Variants in QRFPR observed in about 807,000 individuals in gnomAD.
QRFPR encodes the protein pyroglutamylated RF-amide peptide receptor.
QRFPR carries 37 observed loss-of-function variants against 31.3 expected under a neutral mutation model. That is an observed-to-expected ratio of 1.18 (90% confidence interval 0.91 to 1.56). The LOEUF is 1.56. QRFPR is among the 40% of genes most tolerant of loss of function. QRFPR has a pLI of 0.00. For synonymous variants in QRFPR, 197 were observed against 192.0 expected, an observed-to-expected ratio of 1.03 and a Z score of -0.22; for missense variants, 542 against 532.5, an observed-to-expected ratio of 1.02 and a Z score of -0.18.
In QRFPR at chr4:121,365,648, T is replaced by TATAA. The variant is rs1560744277; in HGVS notation, c.340+14659_340+14660insTTAT. On this transcript the variant is annotated intron_variant, in intron 1 of 5. Coordinates refer to ENST00000394427, the MANE Select transcript of QRFPR (RefSeq NM_198179.3). ...ATATATTATATATATATTTTATATATTATATATTATATATATTTTATATAT... is the reference window on the plus strand; with the variant it reads ...ATATATTATATATATATTTTATATATATAATATATATTATATATATTTTATATAT... Among the ~76,000 whole-genome samples, 75 of 22,478 alleles carry TATAA rather than the reference T, an allele frequency of 3.3e-3. 3 individuals are homozygous for TATAA. Among genetic ancestry groups the TATAA allele is most frequent in the African/African-American group, 0.017 (74 of 4,398 alleles). The allele number at this position is 22,478 out of a possible 152,430, so 14.7% of individuals were successfully genotyped here. A position where few individuals can be genotyped will look rare whatever the true frequency, so the allele number is the denominator to read the frequency against.
intron 1 of QRFPR, among the ~76,000 whole-genome samples, chr4:121,342,586 T>G (rs536286740): frequency 6.6e-6 from 1 of 152,290 alleles, no homozygotes; most frequent in African/African-American, 2.4e-5. Context: ...CTTTCACATG[T>G]TAACATACTG....
intron 1 of QRFPR, among the ~76,000 whole-genome samples, chr4:121,356,564 C>T (rs114134242): frequency 3.3e-5 from 5 of 152,238 alleles, no homozygotes; most frequent in African/African-American, 9.6e-5. Flanking sequence ...GGGCTTTCCA[C>T]GTATTCAAAA....
intron 3 of QRFPR, among the ~76,000 whole-genome samples, chr4:121,335,101 T>C (rs1337553544): frequency 2.0e-5 from 3 of 152,214 alleles, no homozygotes; most frequent in Non-Finnish European, 4.4e-5. Flanking sequence ...CTCATCTATT[T>C]GACAGTGAGG....
At chr4:121,366,222 A>G (rs1726132460) in intron 1 of QRFPR, among the ~76,000 whole-genome samples, 1 of 149,858 alleles carries the variant, frequency 6.7e-6, no homozygotes. Context: ...AAAGCCTGGC[A>G]CCAGTATTTC....
chr4:121,363,040 G>A (rs34198662), intron 1 of QRFPR, among the ~76,000 whole-genome samples: 41,011 of 149,694 alleles, frequency 0.27, 7,818 homozygotes, highest in Non-Finnish European at 0.36. Context: ...CTTAAAGAAG[G>A]AGCCAAAACT....
At chr4:121,365,526 TTATATATA>T (rs1560743538) in intron 1 of QRFPR, among the ~76,000 whole-genome samples, 571 of 6,274 alleles carry the variant, frequency 0.091, 60 homozygotes, top group African/African-American at 0.14. Context: ...ATTATATATA[TTATATATA>T]ATATATATTA....
rs181393360 is a variant in QRFPR at position 121,367,183 on chromosome 4, C to T, written c.340+13125G>A. ...GGTTGAGAAAAGTTGTCTTAAATTA[C>T]GAGACAGAGGCAGGGGACAGTGGGA... On this transcript the variant is annotated intron_variant, in intron 1 of 5. Transcript: ENST00000394427. 5.3e-4 allele frequency among the ~76,000 whole-genome samples: 79 copies of T among 149,938 alleles called. 6 individuals carry two copies. Among genetic ancestry groups the T allele is most frequent in the African/African-American group, 1.6e-3 (63 of 40,558 alleles).
chr4:121,354,356 AT>A (rs71599123), intron 1 of QRFPR, among the ~76,000 whole-genome samples: 4 of 151,696 alleles, frequency 2.6e-5, no homozygotes, highest in Non-Finnish European at 4.4e-5. Flanking sequence ...CATATTTTCC[AT>A]TTTTTTATGT....
In QRFPR at chr4:121,329,437, G is replaced by A. The variant is rs1276962916; in HGVS notation, c.1173C>T (p.Phe391=). The change falls in exon 6 of 6, where the codon TTC becomes TTT. Residue 391 remains phenylalanine, a synonymous_variant. Transcript: ENST00000394427. ...NPVEETKGEA[F]SDGNIEVKLC... ...ATTTGACTTCAATGTTGCCATCACT[G>A]AATGCTTCTCCTTTGGTTTCCTCCA... 3.1e-6 allele frequency: 5 copies of A among 1,614,110 alleles called. No individual in the cohort carries two copies. The highest frequency in any genetic ancestry group is 1.1e-5 in the South Asian group (1 of 91,064).
Position 121,336,825 on chromosome 4 carries a change from C to T in QRFPR, c.543G>A (p.Trp181Ter). 6.2e-7 allele frequency: 1 copy of T among 1,613,910 alleles called. No individual in the cohort carries two copies. The highest frequency in any genetic ancestry group is 8.5e-7 in the Non-Finnish European group (1 of 1,179,782). The change falls in exon 3 of 6, where the codon TGG (tryptophan) becomes TGA (stop). Residue 181 changes from tryptophan to a stop codon, truncating the protein, a stop_gained. Transcript: ENST00000394427. LOFTEE classifies it high-confidence loss of function. ...AGTCTACCTCAAGTTGTTGCACGTG[C>T]CACATGGGTGATCCTACGATGACTG... ...LVAVIVGSPM[W>*]HVQQLEIKYD... is the part of the protein sequence containing the mutation.
At chr4:121,333,095 C>T in intron 3 of QRFPR, 39 bp from the exon 4 acceptor site, 1 of 1,400,114 alleles carries the variant, frequency 7.1e-7, no homozygotes, top group Middle Eastern at 1.8e-4. Context: ...AACCAGTAGT[C>T]AGCATCAAAA....
At chr4:121,372,538 A>T (rs1380063096) in intron 1 of QRFPR, among the ~76,000 whole-genome samples, 1 of 152,200 alleles carries the variant, frequency 6.6e-6, no homozygotes, top group Non-Finnish European at 1.5e-5. Context: ...AAACTTTTTC[A>T]TAACCCCAAA....
intron 2 of QRFPR, 23 bp downstream of exon 2, chr4:121,340,429 A>C (rs768813207): frequency 1.2e-6 from 2 of 1,613,466 alleles, no homozygotes; most frequent in Middle Eastern, 1.7e-4. Context: ...TCACACTGCC[A>C]TTGGCACATC....
At chr4:121,350,347 A>C (rs1725739598) in intron 1 of QRFPR, among the ~76,000 whole-genome samples, 1 of 152,168 alleles carries the variant, frequency 6.6e-6, no homozygotes, top group African/African-American at 2.4e-5. Context: ...TAGTCCCCAT[A>C]TTATTTTCAG....
chr4:121,380,186 G>GGGA (rs1726447686), intron 1 of QRFPR, 122 bp downstream of exon 1: 1 of 187,002 alleles, frequency 5.3e-6, no homozygotes, highest in East Asian at 6.2e-5. Context: ...AGACGAGAGA[G>GGGA]GAGAGAGAGA....
At chr4:121,366,463 G>T (rs1726136112) in intron 1 of QRFPR, among the ~76,000 whole-genome samples, 1 of 149,630 alleles carries the variant, frequency 6.7e-6, no homozygotes, top group South Asian at 2.1e-4. Flanking sequence ...GAAAGATTCT[G>T]GTGCTTCTAT....
chr4:121,329,274 T>C lies in QRFPR; in HGVS notation c.*40A>G. 6.9e-7 allele frequency: 1 copy of C among 1,449,892 alleles called. No homozygotes were observed. Among genetic ancestry groups the C allele is most frequent in the East Asian group, 2.3e-5 (1 of 43,370 alleles). 89.8% of individuals were successfully genotyped at this position (1,449,892 alleles called of 1,614,324 possible). On this transcript the variant is annotated 3_prime_UTR_variant, in exon 6 of 6. Transcript: ENST00000394427. ...GCTCAAAATAATTTTCTCTTTGGGT[T>C]ACAATCTGAAGGGCATTAATTATGA...
intron 1 of QRFPR, among the ~76,000 whole-genome samples, chr4:121,348,719 G>A (rs1045159788): frequency 8.5e-5 from 13 of 152,090 alleles, no homozygotes; most frequent in African/African-American, 3.1e-4. Context: ...TTAGAATGTT[G>A]AAGACCTTAC....
At chr4:121,379,747 A>G (rs1279415976) in intron 1 of QRFPR, among the ~76,000 whole-genome samples, 1 of 151,872 alleles carries the variant, frequency 6.6e-6, no homozygotes, top group Admixed American at 6.6e-5. Flanking sequence ...AGTTCAATAT[A>G]TTTTTTCTGC....
Sources: gnomAD v4.1 joint callset for allele counts (sites outside exome capture counted in the v4.1 genomes callset) on GRCh38, gnomAD v4.1.1 for gene constraint, MANE v1.5 for transcripts, NCBI Gene and HGNC (gene_info 2026-07-23, HGNC 2026-07-21) for gene names.